GRAP2: variants seen among roughly 807,000 people sequenced by gnomAD.
GRAP2 encodes the protein GRB2-related adapter protein 2.
A neutral mutation model predicts 43.5 loss-of-function variants in GRAP2; 31 were observed. The ratio of observed to expected loss-of-function variants is 0.71; its 90% CI spans 0.54 to 0.96. The LOEUF (loss-of-function observed/expected upper bound fraction) is 0.96, where lower values mean the gene tolerates loss of function less well. GRAP2 is among the 40% of genes least tolerant of loss of function. The pLI is 0.00. For missense variants in GRAP2, 371 were observed against 424.4 expected, an observed-to-expected ratio of 0.87 and a Z score of 1.11; for synonymous variants, 156 against 164.8, an observed-to-expected ratio of 0.95 and a Z score of 0.41.
chr22:39,930,703 T>C (rs2066747773), intron 1 of GRAP2, among the ~76,000 whole-genome samples: 1 of 152,184 alleles, frequency 6.6e-6, no homozygotes, highest in Non-Finnish European at 1.5e-5. Flanking sequence ...CCATCATCCT[T>C]GGTATGAAGT....
At chr22:39,951,678 C>T (rs181472665) in intron 2 of GRAP2, among the ~76,000 whole-genome samples, 9 of 152,174 alleles carry the variant, frequency 5.9e-5, no homozygotes, top group African/African-American at 1.9e-4. Flanking sequence ...GATGGGTACA[C>T]GAGATAGGGG....
intron 2 of GRAP2, among the ~76,000 whole-genome samples, chr22:39,954,972 A>G (rs1160920870): frequency 6.6e-6 from 1 of 152,270 alleles, no homozygotes; most frequent in African/African-American, 2.4e-5. Flanking sequence ...AATACACAGC[A>G]TGTGAACACA....
At chr22:39,911,342 T>C (rs944606672) in intron 1 of GRAP2, among the ~76,000 whole-genome samples, 2 of 152,068 alleles carry the variant, frequency 1.3e-5, no homozygotes, top group East Asian at 3.9e-4. Flanking sequence ...CCATAAAGCA[T>C]ATCTGCAAGA....
intron 1 of GRAP2, among the ~76,000 whole-genome samples, chr22:39,910,864 C>T (rs1236091278): frequency 6.6e-6 from 1 of 152,172 alleles, no homozygotes; most frequent in African/African-American, 2.4e-5. Context: ...CTTCCCCTCC[C>T]TGCAGGTGAG....
At chr22:39,955,940 C>G in intron 3 of GRAP2, 30 bp downstream of exon 3, 3 of 939,736 alleles carry the variant, frequency 3.2e-6, no homozygotes, top group Non-Finnish European at 5.3e-6. Context: ...TGAGATGGGC[C>G]TAGCCACACA....
chr22:39,925,539 A>C (rs548595419), intron 1 of GRAP2, among the ~76,000 whole-genome samples: 5 of 152,030 alleles, frequency 3.3e-5, no homozygotes, highest in African/African-American at 1.2e-4. Context: ...CACCTCCTCA[A>C]CTTACCAAGA....
Position 39,966,583 on chromosome 22 carries a change from A to G in GRAP2, c.459+425A>G, listed in dbSNP as rs558566954. Among the ~76,000 whole-genome samples the G allele has an allele frequency of 4.6e-5, 7 of 152,356 alleles. No individual in the cohort carries two copies. In the South Asian group the frequency reaches 1.4e-3, roughly 32 times the overall value. ...AGGATGAAGGAGTTGGGGGTGCTAC[A>G]GACAGGGACATTAGGGAACAGCCTA... On this transcript the variant is annotated intron_variant, in intron 5 of 7. Coordinates refer to ENST00000344138, the MANE Select transcript of GRAP2 (RefSeq NM_004810.4).
At chr22:39,917,721 G>A (rs2066614175) in intron 1 of GRAP2, among the ~76,000 whole-genome samples, 1 of 152,208 alleles carries the variant, frequency 6.6e-6, no homozygotes, top group South Asian at 2.1e-4. Flanking sequence ...GATCTCATTA[G>A]ATGGCAAAAA....
intron 5 of GRAP2, among the ~76,000 whole-genome samples, chr22:39,966,446 T>C (rs2067175172): frequency 6.6e-6 from 1 of 152,210 alleles, no homozygotes; most frequent in Admixed American, 6.5e-5. Context: ...CCTCATGTCA[T>C]TCCTCATCAC....
chr22:39,944,621 A>C (rs948549828), intron 1 of GRAP2, among the ~76,000 whole-genome samples: 4 of 152,034 alleles, frequency 2.6e-5, no homozygotes, highest in African/African-American at 9.7e-5. Flanking sequence ...CATACCGCCT[A>C]CCTCCTGGGG....
At chr22:39,947,273 A>G (rs2066932908) in intron 2 of GRAP2, 89 bp downstream of exon 2, 3 of 779,700 alleles carry the variant, frequency 3.8e-6, no homozygotes, top group East Asian at 2.4e-5. Flanking sequence ...TAAGAACTGC[A>G]TGTGGTTCCT....
At chr22:39,910,378 A>G (rs180756864) in intron 1 of GRAP2, among the ~76,000 whole-genome samples, 73 of 152,044 alleles carry the variant, frequency 4.8e-4, no homozygotes, top group Non-Finnish European at 8.4e-4. Flanking sequence ...ATGCACTACT[A>G]CTAAGCCAGA....
At chr22:39,919,938 A>G (rs1410829948) in intron 1 of GRAP2, among the ~76,000 whole-genome samples, 2 of 152,200 alleles carry the variant, frequency 1.3e-5, no homozygotes, top group African/African-American at 4.8e-5. Flanking sequence ...CATCTTAAAG[A>G]TGAGGAAACT....
chr22:39,902,489 C>T (rs758342869), intron 1 of GRAP2, among the ~76,000 whole-genome samples: 4 of 151,934 alleles, frequency 2.6e-5, no homozygotes, highest in Non-Finnish European at 4.4e-5. Flanking sequence ...TTTTCAAATA[C>T]GAAAAAAATC....
chr22:39,965,895 C>T lies in GRAP2; in HGVS notation c.291-95C>T, dbSNP rs1373555112. ...GAGTCATCCATATCTACATCTCCTG[C>T]TCAAAGAGAACTCCACCATCCCAGA... is the stretch of plus-strand genomic sequence containing the variant. On this transcript the variant is annotated intron_variant, in intron 4 of 7. Coordinates refer to ENST00000344138, the MANE Select transcript of GRAP2 (RefSeq NM_004810.4). 4 of 1,043,992 alleles carry T rather than the reference C, an allele frequency of 3.8e-6. No homozygotes were observed. The African/African-American group carries it at 6.3e-5, about 16-fold the overall frequency. The allele number at this position is 1,043,992 out of a possible 1,614,324, so 64.7% of individuals were successfully genotyped here. A position where few individuals can be genotyped will look rare whatever the true frequency, so the allele number is the denominator to read the frequency against.
At chr22:39,902,060 C>T (rs763716854) in intron 1 of GRAP2, among the ~76,000 whole-genome samples, 1 of 152,108 alleles carries the variant, frequency 6.6e-6, no homozygotes, top group Non-Finnish European at 1.5e-5. Context: ...AAAAATTTAC[C>T]GTATTTATCT....
intron 1 of GRAP2, among the ~76,000 whole-genome samples, chr22:39,913,129 G>T (rs1006948208): frequency 6.6e-6 from 1 of 150,544 alleles, no homozygotes; most frequent in East Asian, 2.0e-4. Context: ...GGAGCTGGAG[G>T]TTGCAGTGAG....
At chr22:39,915,552 T>C (rs1401985882) in intron 1 of GRAP2, among the ~76,000 whole-genome samples, 3 of 152,226 alleles carry the variant, frequency 2.0e-5, no homozygotes, top group African/African-American at 7.2e-5. Context: ...TTGCTGACTT[T>C]ATTCCAGCTT....
chr22:39,964,927 C>T (rs776644795), intron 4 of GRAP2, among the ~76,000 whole-genome samples: 40 of 152,160 alleles, frequency 2.6e-4, no homozygotes, highest in African/African-American at 1.2e-4. Flanking sequence ...GTTTAGGTGG[C>T]GTGACAGGCC....
Sources: allele counts gnomAD v4.1 joint callset (sites outside exome capture counted in the v4.1 genomes callset), GRCh38; gene constraint gnomAD v4.1.1; transcripts MANE v1.5; gene names NCBI Gene and HGNC (gene_info 2026-07-23, HGNC 2026-07-21).